RGS22: variants seen among roughly 807,000 people sequenced by gnomAD.
RGS22 encodes the protein regulator of G protein signaling 22, also known as regulator of G-protein signaling 22.
In RGS22, 148 loss-of-function variants were observed where a neutral mutation model predicts 172.9. That is an observed-to-expected ratio of 0.86 (90% CI 0.75 to 0.98). The LOEUF (loss-of-function observed/expected upper bound fraction) is 0.98. Among genes scored for constraint, RGS22 ranks in the 50% least tolerant of loss-of-function variants. RGS22 has a pLI of 0.00. For synonymous variants in RGS22, 458 were observed against 480.2 expected (o/e 0.95, Z 0.60); for missense variants, 1,347 against 1,440.8 (o/e 0.93, Z 1.05).
At chr8:100,029,805 A>C (rs770990609) in intron 14 of RGS22, among the ~76,000 whole-genome samples, 8 of 152,058 alleles carry the variant, frequency 5.3e-5, no homozygotes, top group Non-Finnish European at 1.2e-4. Flanking sequence ...TTAAAGTAAA[A>C]TAAAAATGTT....
At chr8:100,064,270 C>A (rs1387951774) in intron 7 of RGS22, among the ~76,000 whole-genome samples, 1 of 152,032 alleles carries the variant, frequency 6.6e-6, no homozygotes, top group African/African-American at 2.4e-5. Flanking sequence ...GAGTTCCAGA[C>A]CAGCCTGGCC....
At chr8:99,997,819 T>C (rs1051013913) in intron 19 of RGS22, among the ~76,000 whole-genome samples, 5 of 152,178 alleles carry the variant, frequency 3.3e-5, no homozygotes, top group Non-Finnish European at 5.9e-5. Context: ...AAACCCACTT[T>C]ACAAAATAAA....
rs980175532 is a variant in RGS22 at position 99,987,506 on chromosome 8, A to G, written c.3132T>C (p.Asp1044=). ...AAAAGAGTAAACCATTTTCCAATAA[A>G]TCTCCTTTTAGAGCCACAAAACGTT... ...QFQRFVALKG[D]LLENGLLFWQ... The change falls in exon 21 of 28, where the codon GAT becomes GAC. Residue 1044 remains aspartate, a synonymous_variant. Coordinates refer to ENST00000360863, the MANE Select transcript of RGS22 (RefSeq NM_015668.5). 1 of 1,611,544 alleles carries G rather than the reference A, an allele frequency of 6.2e-7. No homozygotes were observed. The highest frequency in any genetic ancestry group is 8.5e-7 in the Non-Finnish European group (1 of 1,178,682).
intron 23 of RGS22, among the ~76,000 whole-genome samples, chr8:99,969,206 C>T (rs1372528511): frequency 1.3e-5 from 2 of 152,150 alleles, no homozygotes; most frequent in Non-Finnish European, 2.9e-5. Context: ...GATTGTGTCA[C>T]CACCAGGCTT....
intron 23 of RGS22, among the ~76,000 whole-genome samples, chr8:99,969,139 A>T (rs1588870862): frequency 6.6e-6 from 1 of 152,184 alleles, no homozygotes; most frequent in Non-Finnish European, 1.5e-5. Flanking sequence ...TATCCAACCA[A>T]ACTAAGCTTC....
At position 99,977,946 on chromosome 8, in the gene RGS22, C is replaced by A; in HGVS notation, c.3490G>T (p.Ala1164Ser). 3 of 1,564,158 alleles carry A rather than the reference C, an allele frequency of 1.9e-6. No individual in the cohort carries two copies. Among genetic ancestry groups the A allele is most frequent in the Non-Finnish European group, 2.6e-6 (3 of 1,164,342 alleles). ...QEYNKQKKKL[A>S]VLEDEKSGKD... ...CCAGATTTTTCGTCTTCTAGGACTG[C>A]CAATTTTTTTTTCTGCTTATTATAT... The change falls in exon 23 of 28, where the codon GCA (alanine) becomes TCA (serine). Residue 1164 changes from alanine (A) to serine (S), a missense_variant. By Grantham distance (99) the Ala-to-Ser change is moderately conservative. Coordinates refer to ENST00000360863, the MANE Select transcript of RGS22 (RefSeq NM_015668.5).
chr8:100,012,100 T>A (rs113520564), intron 14 of RGS22, among the ~76,000 whole-genome samples: 6 of 146,930 alleles, frequency 4.1e-5, no homozygotes, highest in Middle Eastern at 3.5e-3. Context: ...TAATATATAT[T>A]ATATATATAT....
At chr8:99,962,650 A>C (rs777967399) in intron 26 of RGS22, 37 bp downstream of exon 26, 2 of 1,566,580 alleles carry the variant, frequency 1.3e-6, no homozygotes, top group Non-Finnish European at 1.7e-6. Context: ...ATCAAAAAGA[A>C]AGAAACAACT....
Position 100,063,509 on chromosome 8 carries a change from T to G in RGS22, c.1259A>C (p.Lys420Thr), listed in dbSNP as rs1810303676. The G allele has an allele frequency of 1.9e-6, 3 of 1,613,838 alleles. No homozygotes were observed. Among genetic ancestry groups the G allele is most frequent in the Non-Finnish European group, 2.5e-6 (3 of 1,179,806 alleles). The part of the protein sequence containing the change: ...GNRKEFERFK[K>T]FIKGTLGERY... Reference sequence around the variant, plus strand: ...CTCTCCCAATGTACCTTTTATAAATTTCTTAAATCTTTCAAACTCCTTTCT... The same window carrying G: ...CTCTCCCAATGTACCTTTTATAAATGTCTTAAATCTTTCAAACTCCTTTCT... Residue 420 changes from lysine to threonine, a missense_variant, in exon 8 of 28, where the codon AAA (lysine) becomes ACA (threonine). Transcript: ENST00000360863.
chr8:100,076,263 C>A (rs1335121743), intron 4 of RGS22, among the ~76,000 whole-genome samples: 1 of 152,072 alleles, frequency 6.6e-6, no homozygotes, highest in Non-Finnish European at 1.5e-5. Context: ...GGTGTCATAT[C>A]TAACAAAACC....
At chr8:99,987,329 T>C (rs1813202730) in intron 21 of RGS22, 129 bp downstream of exon 21, 1 of 579,766 alleles carries the variant, frequency 1.7e-6, no homozygotes, top group Non-Finnish European at 3.0e-6. Context: ...ATTTATATAC[T>C]GGTAGGAAGA....
At chr8:100,097,786 G>T (rs1813094545) in intron 2 of RGS22, among the ~76,000 whole-genome samples, 1 of 152,150 alleles carries the variant, frequency 6.6e-6, no homozygotes, top group Non-Finnish European at 1.5e-5. Flanking sequence ...TCACCGTACT[G>T]TCCATCATAT....
rs1245783464 is a variant in RGS22, at chr8:100,060,421, T to TATATATATATAC, written c.1514+2169_1514+2170insGTATATATATAT. 9.1e-4 allele frequency among the ~76,000 whole-genome samples: 109 copies of TATATATATATAC among 119,506 alleles called. 1 individual carries two copies. Among genetic ancestry groups the TATATATATATAC allele is most frequent in the African/African-American group, 2.6e-3 (90 of 34,594 alleles). The allele number at this position is 119,506 out of a possible 152,430, so 78.4% of individuals were successfully genotyped here. A position where few individuals can be genotyped will look rare whatever the true frequency, so the allele number is the denominator to read the frequency against. Reference sequence around the variant, plus strand: ...CTACGTGTATATATATATATATATATACACACACACACACACACACGCACC... The same window carrying TATATATATATAC: ...CTACGTGTATATATATATATATATATATATATATATACACACACACACACACACACACGCACC... On this transcript the variant is annotated intron_variant, in intron 9 of 27. Transcript: ENST00000360863.
intron 10 of RGS22, among the ~76,000 whole-genome samples, 155 bp downstream of exon 10, chr8:100,052,647 A>G (rs72676292): frequency 6.6e-6 from 1 of 152,146 alleles, no homozygotes; most frequent in Non-Finnish European, 1.5e-5. Flanking sequence ...GGTAGAGAAC[A>G]GACTGTAGGT....
rs1369769827 is a variant in RGS22, at chr8:100,105,893, C to T, written c.25+4G>A. 6.0e-6 allele frequency: 9 copies of T among 1,502,762 alleles called. No homozygotes were observed. The South Asian group carries it at 1.1e-4, about 19-fold the overall frequency. The allele number at this position is 1,502,762 out of a possible 1,614,324, so 93.1% of individuals were successfully genotyped here. On this transcript the variant is annotated splice_donor_region_variant and intron_variant, in intron 1 of 27. Coordinates refer to ENST00000360863, the MANE Select transcript of RGS22 (RefSeq NM_015668.5). ...TCCTCTGTCCCTGTGGGGCCGCCAC[C>T]TACCCGCGGTGAGCCTCTTCTCGGG...
intron 3 of RGS22, among the ~76,000 whole-genome samples, chr8:100,088,281 G>A (rs1812308356): frequency 6.6e-6 from 1 of 152,068 alleles, no homozygotes; most frequent in Admixed American, 6.6e-5. Flanking sequence ...ACCTATCCTT[G>A]CGAGGAGGGT....
At chr8:100,036,444 G>A (rs79467690) in intron 14 of RGS22, among the ~76,000 whole-genome samples, 1 of 152,096 alleles carries the variant, frequency 6.6e-6, no homozygotes, top group African/African-American at 2.4e-5. Flanking sequence ...TCCCCATCTA[G>A]TCTGAATAAA....
Position 99,991,041 on chromosome 8 carries a change from A to C in RGS22, c.3019-3422T>G, listed in dbSNP as rs535798524. On this transcript the variant is annotated intron_variant, in intron 20 of 27. Transcript: ENST00000360863. ...GAGGAACCTGACTGTTAGAAGGAAA[A>C]CTAACAAACAGAAAGGAACAGCATC... Among the ~76,000 whole-genome samples the C allele has an allele frequency of 3.3e-3, 498 of 152,326 alleles. 1 individual carries two copies. The highest frequency in any genetic ancestry group is 5.6e-3 in the Non-Finnish European group (384 of 68,028).
In RGS22 at chr8:99,999,371, T is replaced by C. The variant is rs200231427; in HGVS notation, c.2840A>G (p.Asp947Gly). 7 of 1,613,846 alleles carry C rather than the reference T, an allele frequency of 4.3e-6. No individual in the cohort carries two copies. Among genetic ancestry groups the C allele is most frequent in the Non-Finnish European group, 5.9e-6 (7 of 1,179,944 alleles). Residue 947 changes from aspartate to glycine, a missense_variant, in exon 19 of 28, where the codon GAT (aspartate) becomes GGT (glycine). Physicochemically the swap from Asp to Gly is moderately conservative, Grantham distance 94 (BLOSUM62 -1). Transcript: ENST00000360863. ...CTGGATTTCAACTAGAACAGGTGCATCAAGCTGCTCATGAAGAATCTTCCC... is the reference window on the plus strand; with the variant it reads ...CTGGATTTCAACTAGAACAGGTGCACCAAGCTGCTCATGAAGAATCTTCCC... ...GWGKILHEQL[D>G]APVLVEIQKH...
Sources: allele counts gnomAD v4.1 joint callset (sites outside exome capture counted in the v4.1 genomes callset), GRCh38; gene constraint gnomAD v4.1.1; transcripts MANE v1.5; gene names NCBI Gene and HGNC (gene_info 2026-07-23, HGNC 2026-07-21).